Variants in OR51B5 observed in about 807,000 individuals in gnomAD.
OR51B5 encodes olfactory receptor family 51 subfamily B member 5.
For synonymous variants in OR51B5, 186 were observed against 144.8 expected, an observed-to-expected ratio of 1.28 and a Z score of -2.04; for missense variants, 456 against 374.6, an observed-to-expected ratio of 1.22 and a Z score of -1.79.
intron 1 of OR51B5, chr11:5,352,209 G>C (rs759549069): frequency 6.2e-7 from 1 of 1,614,158 alleles, no homozygotes; most frequent in Admixed American, 1.7e-5. Context: ...AAAGGGCCAA[G>C]GCCCTCAACA....
chr11:5,342,087 TTTTGCAGGAA>T (rs1162311287), downstream of OR51B5, among the ~76,000 whole-genome samples: 1 of 152,180 alleles, frequency 6.6e-6, no homozygotes, highest in Non-Finnish European at 1.5e-5. Context: ...TTATATTCTT[TTTTGCAGGAA>T]AATTCCTGGA....
intron 1 of OR51B5, chr11:5,392,917 CAAAAAAA>C (rs61397947): frequency 1.3e-5 from 2 of 151,236 alleles, no homozygotes; most frequent in African/African-American, 2.4e-5. Context: ...TTCTCAAAAA[CAAAAAAA>C]AAGAAAAATA....
chr11:5,416,196 T>C (rs556375025), intron 1 of OR51B5, among the ~76,000 whole-genome samples: 3 of 146,156 alleles, frequency 2.1e-5, no homozygotes, highest in Non-Finnish European at 1.5e-5. Flanking sequence ...TCTCAATAGA[T>C]GCAGAAAAGG....
At chr11:5,402,988 A>G (rs1421175918) in intron 1 of OR51B5, 2 of 471,304 alleles carry the variant, frequency 4.2e-6, no homozygotes, top group African/African-American at 2.0e-5. Flanking sequence ...AGCCATCTAC[A>G]GCCCACTGAG....
At chr11:5,416,264 A>T (rs1477983313) in intron 1 of OR51B5, among the ~76,000 whole-genome samples, 2 of 140,424 alleles carry the variant, frequency 1.4e-5, no homozygotes, top group Non-Finnish European at 3.1e-5. Context: ...TTCGGTATTG[A>T]TGGGACGTAT....
intron 1 of OR51B5, among the ~76,000 whole-genome samples, chr11:5,466,494 C>T (rs913804851): frequency 1.4e-4 from 21 of 152,148 alleles, no homozygotes; most frequent in African/African-American, 4.3e-4. Context: ...GATGCAGACA[C>T]TGAAATGTTA....
At chr11:5,361,374 GA>G (rs893373669) in intron 1 of OR51B5, among the ~76,000 whole-genome samples, 14 of 152,162 alleles carry the variant, frequency 9.2e-5, no homozygotes, top group Non-Finnish European at 1.5e-4. Flanking sequence ...AGGAGTTTCT[GA>G]AACTAATTTT....
chr11:5,474,994 G>A (rs1851283263), intron 1 of OR51B5, among the ~76,000 whole-genome samples: 1 of 152,082 alleles, frequency 6.6e-6, no homozygotes, highest in African/African-American at 2.4e-5. Flanking sequence ...GATAAAAGGA[G>A]GAGTAAGCTC....
At chr11:5,408,318 A>G (rs904466400) in intron 1 of OR51B5, among the ~76,000 whole-genome samples, 2 of 151,878 alleles carry the variant, frequency 1.3e-5, no homozygotes, top group Non-Finnish European at 2.9e-5. Context: ...CTAGCTTAAC[A>G]CTGTCAAAAT....
At chr11:5,429,118 A>G (rs993110971) in intron 1 of OR51B5, among the ~76,000 whole-genome samples, 3 of 152,160 alleles carry the variant, frequency 2.0e-5, no homozygotes, top group Non-Finnish European at 4.4e-5. Context: ...GACTCAGCAC[A>G]TGACTACCAT....
intron 1 of OR51B5, among the ~76,000 whole-genome samples, chr11:5,413,934 G>A (rs1464869313): frequency 2.7e-5 from 4 of 146,548 alleles, no homozygotes; most frequent in African/African-American, 1.0e-4. Flanking sequence ...TACAGAGAAC[G>A]CCACAAAGAT....
At chr11:5,466,831 C>G (rs1241863175) in intron 1 of OR51B5, among the ~76,000 whole-genome samples, 2 of 152,170 alleles carry the variant, frequency 1.3e-5, no homozygotes, top group South Asian at 2.1e-4. Context: ...AAGTCTGGTC[C>G]AGGAGGACAT....
intron 1 of OR51B5, among the ~76,000 whole-genome samples, chr11:5,479,127 C>T (rs1011801277): frequency 6.7e-6 from 1 of 149,286 alleles, no homozygotes; most frequent in Non-Finnish European, 1.5e-5. Context: ...TCGGGTTACC[C>T]TCAAAGGGAA....
chr11:5,418,910 G>C (rs886357284), intron 1 of OR51B5, among the ~76,000 whole-genome samples: 4 of 145,944 alleles, frequency 2.7e-5, no homozygotes, highest in African/African-American at 7.5e-5. Flanking sequence ...GGTCTCACTA[G>C]AAGTTCCTGA....
intron 1 of OR51B5, among the ~76,000 whole-genome samples, chr11:5,503,401 T>C (rs1234241871): frequency 6.6e-6 from 1 of 150,796 alleles, no homozygotes; most frequent in African/African-American, 2.4e-5. Flanking sequence ...GTAAAGCTTA[T>C]TTGAAGAAAC....
rs576474490 is a variant in OR51B5, at chr11:5,503,390, C to T, written n.84+2179G>A. On this transcript the variant is annotated intron_variant and non_coding_transcript_variant, in intron 1 of 4. Coordinates refer to the OR51B5 transcript ENST00000415970. Reference sequence around the variant, plus strand: ...TGTCACGTGTAAATAAACCCAAATGCGTAAAGCTTATTTGAAGAAACTACA... The same window carrying T: ...TGTCACGTGTAAATAAACCCAAATGTGTAAAGCTTATTTGAAGAAACTACA... 4.3e-4 allele frequency among the ~76,000 whole-genome samples: 66 copies of T among 151,960 alleles called. 1 individual carries two copies. Among genetic ancestry groups the T allele is most frequent in the African/African-American group, 1.5e-3 (63 of 41,466 alleles).
intron 1 of OR51B5, among the ~76,000 whole-genome samples, chr11:5,417,829 T>G (rs1157097704): frequency 2.9e-5 from 2 of 68,164 alleles, no homozygotes; most frequent in East Asian, 5.3e-4. Context: ...GTTGGTTGGA[T>G]TGTAAACTAG....
At chr11:5,490,137 A>G (rs1463026233) in intron 1 of OR51B5, among the ~76,000 whole-genome samples, 2 of 152,206 alleles carry the variant, frequency 1.3e-5, no homozygotes, top group African/African-American at 4.8e-5. Flanking sequence ...GACCTTGAGC[A>G]TGTTTGAAAT....
upstream of OR51B5, among the ~76,000 whole-genome samples, chr11:5,347,696 G>GGGTA (rs1288541237): frequency 6.6e-6 from 1 of 152,132 alleles, no homozygotes; most frequent in African/African-American, 2.4e-5. Context: ...GAGATCTTGA[G>GGGTA]TTGTGCTGTT....
Sources: gnomAD v4.1 joint callset for allele counts (sites outside exome capture counted in the v4.1 genomes callset) on GRCh38, gnomAD v4.1.1 for gene constraint, MANE v1.5 for transcripts, NCBI Gene and HGNC (gene_info 2026-07-23, HGNC 2026-07-21) for gene names.